Variants in RNF217 observed in about 807,000 individuals in gnomAD.
RNF217 encodes the protein ring finger protein 217, also known as E3 ubiquitin-protein ligase RNF217.
A neutral mutation model predicts 57.8 loss-of-function variants in RNF217; 31 were observed. The observed-to-expected ratio is 0.54, with a 90% confidence interval of 0.40 to 0.72. RNF217 has a LOEUF of 0.72. Ranked by LOEUF, RNF217 falls within the 30% of genes least tolerant of loss-of-function variation. The pLI is 0.00. For missense variants in RNF217, 696 were observed against 708.3 expected (o/e 0.98, Z 0.20); for synonymous variants, 313 against 294.0 (o/e 1.06, Z -0.66).
chr6:125,002,719 G>T (rs1785035664), intron 1 of RNF217, among the ~76,000 whole-genome samples: 1 of 152,022 alleles, frequency 6.6e-6, no homozygotes, highest in South Asian at 2.1e-4. Context: ...TGATTTTCGT[G>T]CTGGCTTATC....
intron 1 of RNF217, among the ~76,000 whole-genome samples, chr6:125,044,359 G>A (rs917223445): frequency 6.6e-6 from 1 of 152,066 alleles, no homozygotes; most frequent in Admixed American, 6.6e-5. Flanking sequence ...TTATTTCAAA[G>A]TAGTTTATTT....
At chr6:124,975,383 G>C (rs1783919331) in intron 1 of RNF217, among the ~76,000 whole-genome samples, 1 of 152,184 alleles carries the variant, frequency 6.6e-6, no homozygotes, top group African/African-American at 2.4e-5. Flanking sequence ...AGGTGACTCT[G>C]ATATGGCCAG....
At chr6:125,055,615 G>T (rs891725931) in intron 2 of RNF217, among the ~76,000 whole-genome samples, 2 of 152,118 alleles carry the variant, frequency 1.3e-5, no homozygotes, top group Non-Finnish European at 2.9e-5. Flanking sequence ...AAACTAGAGA[G>T]ATCTTTTCAA....
At chr6:125,071,499 TGTG>T (rs1788141626) in intron 3 of RNF217, among the ~76,000 whole-genome samples, 1 of 141,504 alleles carries the variant, frequency 7.1e-6, no homozygotes, top group African/African-American at 3.0e-5. Context: ...TGTGTGTGTG[TGTG>T]TGTGTGTGTG....
chr6:125,034,804 C>T (rs1011424465), intron 1 of RNF217, among the ~76,000 whole-genome samples: 8 of 151,936 alleles, frequency 5.3e-5, no homozygotes, highest in African/African-American at 1.5e-4. Context: ...GCCATTTTCA[C>T]GATATTGATT....
chr6:124,980,666 T>A (rs1275768481), intron 1 of RNF217, among the ~76,000 whole-genome samples: 1 of 151,512 alleles, frequency 6.6e-6, no homozygotes, highest in East Asian at 1.9e-4. Context: ...GCTGTTTTGA[T>A]CGTGCCTGTC....
At chr6:124,993,353 A>G (rs1784631556) in intron 1 of RNF217, among the ~76,000 whole-genome samples, 1 of 152,182 alleles carries the variant, frequency 6.6e-6, no homozygotes, top group African/African-American at 2.4e-5. Flanking sequence ...TAGTAATTAC[A>G]AGTAAATATT....
intron 1 of RNF217, among the ~76,000 whole-genome samples, chr6:125,025,768 G>A (rs1406445808): frequency 6.8e-6 from 1 of 147,592 alleles, no homozygotes; most frequent in African/African-American, 2.5e-5. Flanking sequence ...AGGGAGGGAG[G>A]GAGGGAGGGA....
At position 124,972,627 on chromosome 6, in the gene RNF217, C is replaced by T. The variant is rs916846103; in HGVS notation, c.882+9201C>T. Among the ~76,000 whole-genome samples the T allele has an allele frequency of 6.6e-5, 10 of 152,210 alleles. No homozygotes were observed. The Middle Eastern group carries it at 0.014, about 209-fold the overall frequency. On this transcript the variant is annotated intron_variant, in intron 1 of 5. Coordinates refer to ENST00000521654, the MANE Select transcript of RNF217 (RefSeq NM_001286398.3). ...AAATTTTTTTCTTCTTTGAATGCTC[C>T]GTGACTCTGAATTATGAGCCTTTAC... is the stretch of plus-strand genomic sequence containing the variant.
At chr6:124,973,727 TC>T (rs1301185575) in intron 1 of RNF217, among the ~76,000 whole-genome samples, 2 of 152,196 alleles carry the variant, frequency 1.3e-5, no homozygotes, top group African/African-American at 4.8e-5. Flanking sequence ...TATGCTAGCA[TC>T]CCATCTATCA....
intron 2 of RNF217, among the ~76,000 whole-genome samples, chr6:125,055,944 G>T (rs1183024493): frequency 6.6e-6 from 1 of 152,054 alleles, no homozygotes; most frequent in Non-Finnish European, 1.5e-5. Context: ...AAGGAAAACA[G>T]TTATTTTAAA....
chr6:124,981,599 G>A, intron 1 of RNF217, among the ~76,000 whole-genome samples: 1 of 152,168 alleles, frequency 6.6e-6, no homozygotes, highest in Non-Finnish European at 1.5e-5. Context: ...TAAACAGCAA[G>A]GCAGAGAAAG....
chr6:124,977,147 C>T (rs922783583), intron 1 of RNF217, among the ~76,000 whole-genome samples: 2 of 152,190 alleles, frequency 1.3e-5, no homozygotes, highest in Non-Finnish European at 2.9e-5. Context: ...GAGTTATTAA[C>T]TCTTTTTAAA....
chr6:124,982,026 CA>C (rs373182508), intron 1 of RNF217, among the ~76,000 whole-genome samples: 918 of 58,382 alleles, frequency 0.016, 6 homozygotes, highest in African/African-American at 0.058. Context: ...GACTCTGTCT[CA>C]AAAAAAAAAA....
chr6:125,020,125 G>A (rs956472538), intron 1 of RNF217, among the ~76,000 whole-genome samples: 10 of 152,160 alleles, frequency 6.6e-5, no homozygotes, highest in East Asian at 3.9e-4. Context: ...AGCTGTTCAC[G>A]AGAATGATAA....
At chr6:125,061,459 A>T (rs1458549160) in intron 3 of RNF217, among the ~76,000 whole-genome samples, 1 of 151,562 alleles carries the variant, frequency 6.6e-6, no homozygotes, top group African/African-American at 2.4e-5. Flanking sequence ...CCCTTTTAAA[A>T]TTTTCTGTTC....
At chr6:125,015,448 G>A (rs1210606258) in intron 1 of RNF217, among the ~76,000 whole-genome samples, 2 of 151,896 alleles carry the variant, frequency 1.3e-5, no homozygotes, top group Non-Finnish European at 2.9e-5. Flanking sequence ...GAGAAAACAT[G>A]GAAAACTCTA....
chr6:125,076,603 T>C, intron 3 of RNF217, 54 bp from the exon 4 acceptor site: 1 of 1,406,526 alleles, frequency 7.1e-7, no homozygotes, highest in South Asian at 1.2e-5. Context: ...GCGATTTTGC[T>C]TTTTAAAAAC....
chr6:125,057,512 C>T (rs1403495685), intron 2 of RNF217, among the ~76,000 whole-genome samples: 1 of 152,102 alleles, frequency 6.6e-6, no homozygotes, highest in Non-Finnish European at 1.5e-5. Context: ...GATGAAGCAT[C>T]TGTGGGGCTT....
Sources: gnomAD v4.1 joint callset for allele counts (sites outside exome capture counted in the v4.1 genomes callset) on GRCh38, gnomAD v4.1.1 for gene constraint, MANE v1.5 for transcripts, NCBI Gene and HGNC (gene_info 2026-07-23, HGNC 2026-07-21) for gene names.